Variants in TRIO observed in about 807,000 individuals in gnomAD.
The protein encoded by TRIO is triple functional domain protein.
A neutral mutation model predicts 351.9 loss-of-function variants in TRIO; 58 were observed. That is an observed-to-expected ratio of 0.16 (90% CI 0.13 to 0.21). The LOEUF (loss-of-function observed/expected upper bound fraction) is 0.21. Ranked by LOEUF, TRIO falls within the 10% of genes least tolerant of loss-of-function variation. The pLI, the probability that TRIO is intolerant of heterozygous loss-of-function variation, is 1.00. For synonymous variants in TRIO, 1,758 were observed against 1,595.7 expected (o/e 1.10, Z -2.42); for missense variants, 3,201 against 4,027.8 (o/e 0.79, Z 5.56).
intron 4 of TRIO, among the ~76,000 whole-genome samples, chr5:14,289,653 G>A (rs1268356906): frequency 6.6e-6 from 1 of 151,978 alleles, no homozygotes; most frequent in Admixed American, 6.6e-5. Context: ...TTTGAAACCA[G>A]CGTGACCAAC....
At chr5:14,345,601 C>T (rs973852187) in intron 11 of TRIO, among the ~76,000 whole-genome samples, 3 of 152,200 alleles carry the variant, frequency 2.0e-5, no homozygotes, top group Non-Finnish European at 4.4e-5. Flanking sequence ...CACTCTGTCA[C>T]CCAGGCTGGA....
At chr5:14,364,863 G>T (rs1744460079) in intron 15 of TRIO, 47 bp downstream of exon 15, 2 of 1,560,510 alleles carry the variant, frequency 1.3e-6, no homozygotes, top group Non-Finnish European at 1.7e-6. Context: ...ACAGATGCTT[G>T]ATACCTCATC....
chr5:14,255,653 T>TCAAGAC (rs1353121908), intron 1 of TRIO, among the ~76,000 whole-genome samples: 3 of 152,232 alleles, frequency 2.0e-5, no homozygotes. Context: ...AGGATGAGAC[T>TCAAGAC]CAAGACCAAA....
intron 13 of TRIO, among the ~76,000 whole-genome samples, chr5:14,359,784 G>A (rs1743974170): frequency 1.3e-5 from 2 of 152,258 alleles, no homozygotes; most frequent in Admixed American, 1.3e-4. Context: ...TCGCGTGGCA[G>A]GAGCAGAGCA....
At chr5:14,264,737 G>A (rs947420397) in intron 1 of TRIO, among the ~76,000 whole-genome samples, 1 of 152,196 alleles carries the variant, frequency 6.6e-6, no homozygotes, top group Non-Finnish European at 1.5e-5. Flanking sequence ...GCCACGTGCG[G>A]CCGCTCCCTG....
chr5:14,305,639 G>T (rs574734814), intron 8 of TRIO, among the ~76,000 whole-genome samples: 1 of 152,334 alleles, frequency 6.6e-6, no homozygotes, highest in Non-Finnish European at 1.5e-5. Context: ...TGTCAAAGTT[G>T]TTGGGAAGAA....
At chr5:14,465,694 T>A in intron 37 of TRIO, 54 bp downstream of exon 37, 1 of 1,585,162 alleles carries the variant, frequency 6.3e-7, no homozygotes, top group South Asian at 1.1e-5. Context: ...TGTTGCTACT[T>A]GCAGATGGAT....
In TRIO at chr5:14,425,748, C is replaced by T. The variant is rs141192725; in HGVS notation, c.5203+5727C>T. Among the ~76,000 whole-genome samples the T allele has an allele frequency of 1.5e-3, 222 of 152,286 alleles. 3 individuals carry two copies. The highest frequency in any genetic ancestry group is 5.2e-3 in the African/African-American group (215 of 41,556). ...GGGATTACTACCCTTACAAAAGAGG[C>T]CCAGGGAGCCCTTTTGTCCTTCCGC... On this transcript the variant is annotated intron_variant, in intron 34 of 56. Transcript: ENST00000344204.
chr5:14,461,785 C>T (rs1753830913), intron 35 of TRIO, among the ~76,000 whole-genome samples: 1 of 152,206 alleles, frequency 6.6e-6, no homozygotes, highest in South Asian at 2.1e-4. Flanking sequence ...TTGCACTTTC[C>T]AATTGTTTTT....
intron 48 of TRIO, among the ~76,000 whole-genome samples, chr5:14,491,589 C>T (rs115717341): frequency 5.8e-4 from 89 of 152,298 alleles, no homozygotes; most frequent in African/African-American, 2.0e-3. Context: ...CAAACACTGC[C>T]GTTTGTGTTT....
chr5:14,377,249 T>G (rs960090924), intron 19 of TRIO, among the ~76,000 whole-genome samples: 13 of 152,086 alleles, frequency 8.5e-5, no homozygotes, highest in Middle Eastern at 6.8e-3. Context: ...TTGTATTTTT[T>G]TTTGTTTTTT....
At chr5:14,270,757 A>C in intron 1 of TRIO, 68 bp from the exon 2 acceptor site, 3 of 1,247,352 alleles carry the variant, frequency 2.4e-6, no homozygotes, top group South Asian at 2.4e-5. Context: ...GGCATTGGAT[A>C]GAATGGTTAA....
At position 14,330,762 on chromosome 5, in the gene TRIO, C is replaced by T; in HGVS notation, c.1732-16C>T. The stretch of plus-strand genomic sequence containing the variant: ...GACATTGTTTTTATGGCATATGTAC[C>T]TGTATTTCATTGTAGGTGCTAGACT... On this transcript the variant is annotated splice_polypyrimidine_tract_variant and intron_variant, in intron 9 of 56. Transcript: ENST00000344204. 2.5e-6 allele frequency: 4 copies of T among 1,612,804 alleles called. No individual in the cohort carries two copies. Among genetic ancestry groups the T allele is most frequent in the Non-Finnish European group, 3.4e-6 (4 of 1,179,256 alleles).
intron 31 of TRIO, among the ~76,000 whole-genome samples, chr5:14,402,253 A>G (rs552780120): frequency 1.3e-5 from 2 of 152,358 alleles, no homozygotes; most frequent in South Asian, 2.1e-4. Context: ...GTAGATGCCA[A>G]AAGGTGCTTC....
intron 9 of TRIO, among the ~76,000 whole-genome samples, chr5:14,328,604 A>T (rs900059847): frequency 1.3e-5 from 2 of 152,282 alleles, no homozygotes; most frequent in African/African-American, 4.8e-5. Context: ...CTGTGCCGTC[A>T]GGAGCTTGAA....
chr5:14,308,374 GTCCA>G lies in TRIO; in HGVS notation c.1500+3796_1500+3799del, dbSNP rs1178869978. Reference sequence around the variant, plus strand: ...CACGCACCCAACCACCCATTCATCTGTCCATCCATCCATCCATTCAGTCACCCAT... The same window carrying G: ...CACGCACCCAACCACCCATTCATCTGTCCATCCATCCATTCAGTCACCCAT... On this transcript the variant is annotated intron_variant, in intron 8 of 56. Transcript: ENST00000344204. 6.3e-5 allele frequency among the ~76,000 whole-genome samples: 6 copies of G among 95,702 alleles called. No individual in the cohort carries two copies. In the East Asian group the frequency reaches 1.5e-3, roughly 24 times the overall value. 62.8% of individuals were successfully genotyped at this position (95,702 alleles called of 152,430 possible).
At chr5:14,229,384 G>A (rs143891804) in intron 1 of TRIO, among the ~76,000 whole-genome samples, 2 of 152,342 alleles carry the variant, frequency 1.3e-5, no homozygotes, top group East Asian at 3.9e-4. Context: ...TGCTGACAGA[G>A]GAGAGTTGGC....
rs200982293 is a variant in TRIO at position 14,151,368 on chromosome 5, TTGTGTGTG to T, written c.157+7496_157+7503del. On this transcript the variant is annotated intron_variant, in intron 1 of 56. Transcript: ENST00000344204. ...GGGTTTGTTGGTGCCTGTTTTTTCA[TTGTGTGTG>T]TGTGTGTGTTTGTGTGTGTGTGTGT... Among the ~76,000 whole-genome samples, 60 of 123,526 alleles carry T rather than the reference TTGTGTGTG, an allele frequency of 4.9e-4. 1 individual carries two copies. The highest frequency in any genetic ancestry group is 1.8e-3 in the African/African-American group (53 of 28,798). The allele number at this position is 123,526 out of a possible 152,430, so 81.0% of individuals were successfully genotyped here.
intron 6 of TRIO, among the ~76,000 whole-genome samples, chr5:14,295,733 T>C (rs1310102715): frequency 6.6e-6 from 1 of 152,194 alleles, no homozygotes; most frequent in Non-Finnish European, 1.5e-5. Flanking sequence ...GCCTTGCTTT[T>C]AATTTACCAG....
Sources: gnomAD v4.1 joint callset for allele counts (sites outside exome capture counted in the v4.1 genomes callset) on GRCh38, gnomAD v4.1.1 for gene constraint, MANE v1.5 for transcripts, NCBI Gene and HGNC (gene_info 2026-07-23, HGNC 2026-07-21) for gene names.